The following GRIP1 variants were observed in gnomAD, a reference collection of about 807,000 sequenced individuals.
GRIP1 encodes glutamate receptor interacting protein 1.
In GRIP1, 45 loss-of-function variants were observed where a neutral mutation model predicts 129.9. The observed-to-expected ratio is 0.35, with a 90% CI of 0.27 to 0.44. The LOEUF is 0.44. Among genes scored for constraint, GRIP1 ranks in the 20% least tolerant of loss-of-function variants. The pLI is 1.00. For missense variants in GRIP1, 1,196 were observed against 1,396.8 expected (o/e 0.86, Z 2.29); for synonymous variants, 530 against 520.8 (o/e 1.02, Z -0.24).
At chr12:67,020,333 T>G (rs1407747734) in intron 1 of GRIP1, among the ~76,000 whole-genome samples, 2 of 152,184 alleles carry the variant, frequency 1.3e-5, no homozygotes. Flanking sequence ...CTAAAAACAT[T>G]TAAATGTCAC....
chr12:66,423,620 C>T (rs1163846952), intron 14 of GRIP1, among the ~76,000 whole-genome samples: 26 of 152,152 alleles, frequency 1.7e-4, no homozygotes, highest in Admixed American at 1.7e-3. Flanking sequence ...AACTATGAGA[C>T]AAGCGCCTCT....
chr12:66,576,758 A>G (rs1409934108), intron 2 of GRIP1, among the ~76,000 whole-genome samples: 4 of 152,230 alleles, frequency 2.6e-5, no homozygotes, highest in Non-Finnish European at 5.9e-5. Context: ...CTGGCAGAAT[A>G]TAAGAGAAAT....
chr12:67,033,108 T>C (rs1342190706), intron 1 of GRIP1, among the ~76,000 whole-genome samples: 1 of 152,018 alleles, frequency 6.6e-6, no homozygotes, highest in Non-Finnish European at 1.5e-5. Context: ...CAGTTTTTCC[T>C]AGGCTGAGAA....
At chr12:66,469,412 A>G (rs1050380821) in intron 7 of GRIP1, among the ~76,000 whole-genome samples, 1 of 152,220 alleles carries the variant, frequency 6.6e-6, no homozygotes, top group Non-Finnish European at 1.5e-5. Flanking sequence ...GCTAGATAGA[A>G]AAGTGATTCT....
At chr12:66,605,593 G>A (rs954533008) in intron 1 of GRIP1, among the ~76,000 whole-genome samples, 1 of 151,024 alleles carries the variant, frequency 6.6e-6, no homozygotes, top group Non-Finnish European at 1.5e-5. Flanking sequence ...GTGTATGTTT[G>A]ATTATTGAGA....
At chr12:66,372,292 A>C in intron 22 of GRIP1, 1 of 346,622 alleles carries the variant, frequency 2.9e-6, no homozygotes. Flanking sequence ...TCATGAGGCC[A>C]CCTTGAATAT....
intron 5 of GRIP1, among the ~76,000 whole-genome samples, chr12:66,529,514 T>C (rs1199646856): frequency 6.6e-6 from 1 of 152,220 alleles, no homozygotes; most frequent in East Asian, 1.9e-4. Context: ...GAGACCATTA[T>C]TTTAAGTGAA....
chr12:67,047,525 A>G (rs866781182), intron 1 of GRIP1, among the ~76,000 whole-genome samples: 20 of 152,290 alleles, frequency 1.3e-4, no homozygotes, highest in African/African-American at 4.6e-4. Context: ...CTTTTAAAAA[A>G]TCATTTGGGG....
chr12:67,010,953 A>G (rs139451813), intron 1 of GRIP1, among the ~76,000 whole-genome samples: 14 of 152,256 alleles, frequency 9.2e-5, no homozygotes, highest in Non-Finnish European at 1.6e-4. Flanking sequence ...ACTGAGGCCT[A>G]GTACCTTCCT....
At chr12:66,642,577 C>G (rs1418172508) in intron 1 of GRIP1, among the ~76,000 whole-genome samples, 1 of 152,128 alleles carries the variant, frequency 6.6e-6, no homozygotes, top group African/African-American at 2.4e-5. Flanking sequence ...AAGCAGATTC[C>G]TGCTTTAGGA....
intron 1 of GRIP1, among the ~76,000 whole-genome samples, chr12:66,772,192 C>T (rs989759965): frequency 1.3e-5 from 2 of 152,178 alleles, no homozygotes; most frequent in African/African-American, 4.8e-5. Flanking sequence ...ATGGCAGTGC[C>T]AGAATGTAAA....
At chr12:66,527,324 C>T (rs78216995) in intron 5 of GRIP1, among the ~76,000 whole-genome samples, 67,263 of 150,166 alleles carry the variant, frequency 0.45, 15,883 homozygotes, top group African/African-American at 0.62. Context: ...GGCACATATA[C>T]ACCATGGAAT....
intron 1 of GRIP1, among the ~76,000 whole-genome samples, chr12:66,957,498 C>T (rs1479680892): frequency 1.3e-5 from 2 of 151,840 alleles, no homozygotes; most frequent in Non-Finnish European, 2.9e-5. Flanking sequence ...CACCATGTCT[C>T]CTTATGCGAC....
rs78619935 is a variant in GRIP1 at position 66,348,591 on chromosome 12, G to A, written c.*428C>T. On this transcript the variant is annotated 3_prime_UTR_variant, in exon 25 of 25. Coordinates refer to ENST00000359742, the MANE Select transcript of GRIP1 (RefSeq NM_001366722.1). ...GTAGAGCCAGCCTATGAGAAGAAAA[G>A]CTTTGTTGGCCAAGTTCTTACATTA... The A allele has an allele frequency of 2.9e-3, 591 of 200,942 alleles. 6 individuals carry two copies. Among genetic ancestry groups the A allele is most frequent in the East Asian group, 0.028 (225 of 8,066 alleles). The allele number at this position is 200,942 out of a possible 1,614,324, so 12.4% of individuals were successfully genotyped here. A position where few individuals can be genotyped will look rare whatever the true frequency, so the allele number is the denominator to read the frequency against.
chr12:66,519,140 A>G (rs998547783), intron 5 of GRIP1, among the ~76,000 whole-genome samples: 1 of 151,956 alleles, frequency 6.6e-6, no homozygotes, highest in African/African-American at 2.4e-5. Flanking sequence ...AAATAGCCTA[A>G]GAGAAAAATT....
chr12:67,066,675 T>C (rs1281188645), intron 1 of GRIP1, among the ~76,000 whole-genome samples: 2 of 152,138 alleles, frequency 1.3e-5, no homozygotes, highest in South Asian at 4.1e-4. Flanking sequence ...TCTTTTTGTT[T>C]ATATTTAAAA....
At position 66,392,712 on chromosome 12, in the gene GRIP1, T is replaced by A. The variant is rs2056638357; in HGVS notation, c.2234A>T (p.Glu745Val). ...TTTCTTAATTTTCAAGGTGACAGTCTCTCCTGCCATCTGTAACAAATGGAT... is the reference window on the plus strand; with the variant it reads ...TTTCTTAATTTTCAAGGTGACAGTCACTCCTGCCATCTGTAACAAATGGAT... ...EAIHLLQMAG[E>V]TVTLKIKKQT... Residue 745 changes from glutamate (E) to valine (V), a missense_variant, in exon 18 of 25, where the codon GAG becomes GTG. Glu to Val is a moderately radical substitution (Grantham distance 121). This residue lies in a region of GRIP1 where 28 missense variants were observed against 78.1 expected (regional missense o/e 0.36). Transcript: ENST00000359742. 6.2e-7 allele frequency: 1 copy of A among 1,613,914 alleles called. No individual in the cohort carries two copies. The highest frequency in any genetic ancestry group is 1.7e-5 in the Admixed American group (1 of 60,006).
At chr12:66,718,047 G>A (rs575378750) in intron 1 of GRIP1, among the ~76,000 whole-genome samples, 5 of 152,178 alleles carry the variant, frequency 3.3e-5, no homozygotes, top group African/African-American at 9.6e-5. Context: ...ATCTATCTCC[G>A]GCATTATACT....
chr12:66,419,490 G>A (rs1200946016), intron 15 of GRIP1, among the ~76,000 whole-genome samples: 1 of 152,106 alleles, frequency 6.6e-6, no homozygotes. Context: ...AAGCTTGAGG[G>A]GATGGGTACC....
Sources: gnomAD v4.1 joint callset for allele counts (sites outside exome capture counted in the v4.1 genomes callset) on GRCh38, gnomAD v4.1.1 for gene constraint, gnomAD v4.1.1 regional missense constraint, MANE v1.5 for transcripts, NCBI Gene and HGNC (gene_info 2026-07-23, HGNC 2026-07-21) for gene names.